Variants in TREML2 observed in about 807,000 individuals in gnomAD.
TREML2 encodes trem-like transcript 2 protein.
Under a neutral mutation model 25.9 loss-of-function variants are expected in TREML2, and 24 were observed. The ratio of observed to expected loss-of-function variants is 0.93; its 90% confidence interval spans 0.67 to 1.30. The LOEUF is 1.30. TREML2 is among the 50% of genes most tolerant of loss of function. The probability of loss-of-function intolerance (pLI) is 0.00; values close to 1 mark genes in which losing one functional copy is unlikely to be tolerated. For missense variants in TREML2, 359 were observed against 395.6 expected (o/e 0.91, Z 0.78); for synonymous variants, 139 against 155.2 (o/e 0.90, Z 0.77).
In TREML2 at chr6:41,191,182, T is replaced by TGTGTGC. The variant is rs1766054111; in HGVS notation, c.*1244_*1245insGCACAC. 6.6e-6 allele frequency: 1 copy of TGTGTGC among 150,804 alleles called. No individual in the cohort carries two copies. The highest frequency in any genetic ancestry group is 2.5e-5 in the African/African-American group (1 of 40,378). 9.3% of individuals were successfully genotyped at this position (150,804 alleles called of 1,614,324 possible). ...GTCAGTAGACACCTGTGTGTGTGTG[T>TGTGTGC]GTGTGTGTGTGTGTGTGTGTGTGTG... On this transcript the variant is annotated 3_prime_UTR_variant, in exon 5 of 5. Transcript: ENST00000483722.
At chr6:41,200,562 C>A (rs1766256215) in intron 1 of TREML2, among the ~76,000 whole-genome samples, 2 of 152,190 alleles carry the variant, frequency 1.3e-5, no homozygotes, top group African/African-American at 4.8e-5. Flanking sequence ...GTGGCATCAG[C>A]ATTTCAAGAA....
chr6:41,198,991 T>G (rs565207824), intron 1 of TREML2, among the ~76,000 whole-genome samples: 22 of 152,346 alleles, frequency 1.4e-4, no homozygotes, highest in African/African-American at 5.1e-4. Context: ...GCCTCCTGAG[T>G]AGCTGGGACT....
intron 4 of TREML2, 115 bp from the exon 5 acceptor site, chr6:41,192,621 C>A: frequency 8.1e-7 from 1 of 1,240,090 alleles, no homozygotes; most frequent in Non-Finnish European, 1.2e-6. Context: ...CCAGGTCATC[C>A]CCTTAGGGTT....
intron 1 of TREML2, among the ~76,000 whole-genome samples, chr6:41,198,983 C>T (rs893332240): frequency 4.6e-5 from 7 of 152,246 alleles, no homozygotes; most frequent in Non-Finnish European, 8.8e-5. Context: ...CTGCCTCAGC[C>T]TCCTGAGTAG....
intron 1 of TREML2, among the ~76,000 whole-genome samples, chr6:41,198,679 G>A (rs1355899456): frequency 1.3e-5 from 2 of 152,172 alleles, no homozygotes; most frequent in African/African-American, 4.8e-5. Flanking sequence ...GGAGCTTTCA[G>A]TCTGATGGAG....
At position 41,198,062 on chromosome 6, in the gene TREML2, A is replaced by G. The variant is rs1413548111; in HGVS notation, c.376+47T>C. 4 of 1,478,702 alleles carry G rather than the reference A, an allele frequency of 2.7e-6. No homozygotes were observed. The South Asian group carries it at 5.1e-5, about 19-fold the overall frequency. The allele number at this position is 1,478,702 out of a possible 1,614,324, so 91.6% of individuals were successfully genotyped here. On this transcript the variant is annotated intron_variant, in intron 2 of 4. Transcript: ENST00000483722. Reference sequence around the variant, plus strand: ...CTCTGATGTTAGTGGAGTGTGGGGCAGGAGGGACTCCCTCCACCCGTCCCA... The same window carrying G: ...CTCTGATGTTAGTGGAGTGTGGGGCGGGAGGGACTCCCTCCACCCGTCCCA...
chr6:41,198,885 C>T (rs145075653), intron 1 of TREML2, among the ~76,000 whole-genome samples: 231 of 151,614 alleles, frequency 1.5e-3, no homozygotes, highest in African/African-American at 5.4e-3. Context: ...GTTTTTGAGA[C>T]GGAGTCTCGC....
chr6:41,195,652 C>T (rs1766147204), intron 2 of TREML2, among the ~76,000 whole-genome samples: 1 of 152,180 alleles, frequency 6.6e-6, no homozygotes, highest in Non-Finnish European at 1.5e-5. Flanking sequence ...AAGACGCTCA[C>T]CTGGAGTCAG....
intron 2 of TREML2, among the ~76,000 whole-genome samples, chr6:41,196,727 C>T (rs1766173186): frequency 6.6e-6 from 1 of 152,176 alleles, no homozygotes; most frequent in Non-Finnish European, 1.5e-5. Flanking sequence ...CCCTAAGCAA[C>T]CACTAATCTA....
intron 1 of TREML2, among the ~76,000 whole-genome samples, chr6:41,199,220 G>A (rs993218453): frequency 1.7e-4 from 26 of 152,220 alleles, no homozygotes; most frequent in African/African-American, 5.8e-4. Context: ...CAGATGCAGA[G>A]ACACAAACAC....
intron 2 of TREML2, among the ~76,000 whole-genome samples, chr6:41,196,699 C>A (rs970457369): frequency 5.3e-5 from 8 of 150,674 alleles, no homozygotes; most frequent in Admixed American, 6.6e-5. Context: ...ATTCTGTATC[C>A]CCTTTTCCTT....
chr6:41,200,907 C>T (rs769576652), intron 1 of TREML2, 47 bp downstream of exon 1: 2 of 1,479,978 alleles, frequency 1.4e-6, no homozygotes, highest in Non-Finnish European at 1.8e-6. Context: ...GAGCTCCTGC[C>T]TCTGTACCCA....
intron 2 of TREML2, among the ~76,000 whole-genome samples, chr6:41,195,290 G>A (rs1766142015): frequency 6.6e-6 from 1 of 152,104 alleles, no homozygotes. Context: ...AGTCAGTTGG[G>A]GTCAGACACT....
At chr6:41,199,098 G>A (rs866233287) in intron 1 of TREML2, among the ~76,000 whole-genome samples, 44 of 152,198 alleles carry the variant, frequency 2.9e-4, no homozygotes, top group African/African-American at 1.0e-3. Context: ...TCTTGACTTC[G>A]TGATCCACCT....
chr6:41,190,300 T>C lies in TREML2; in HGVS notation c.*2127A>G, dbSNP rs1376639630. 1 of 151,960 alleles carries C rather than the reference T, an allele frequency of 6.6e-6. No homozygotes were observed. The highest frequency in any genetic ancestry group is 2.4e-5 in the African/African-American group (1 of 41,356). The allele number at this position is 151,960 out of a possible 1,614,324, so 9.4% of individuals were successfully genotyped here. On this transcript the variant is annotated 3_prime_UTR_variant, in exon 5 of 5. Transcript: ENST00000483722. ...ACTGAGATGAGTCCACCCTGTACCC[T>C]CCCCTCCTCAAAAGAGGACCTTACC...
chr6:41,198,782 T>C (rs930458121), intron 1 of TREML2, among the ~76,000 whole-genome samples: 1 of 152,192 alleles, frequency 6.6e-6, no homozygotes, highest in African/African-American at 2.4e-5. Flanking sequence ...CCTTTCCTCA[T>C]GGTATTTTCT....
chr6:41,193,602 T>C (rs75577115), intron 3 of TREML2, among the ~76,000 whole-genome samples: 3,192 of 151,874 alleles, frequency 0.021, 102 homozygotes, highest in African/African-American at 0.073. Context: ...CCAGTGTTCA[T>C]ATAAGACGCA....
chr6:41,195,692 G>C (rs114590078), intron 2 of TREML2, among the ~76,000 whole-genome samples: 168 of 152,286 alleles, frequency 1.1e-3, no homozygotes, highest in African/African-American at 3.9e-3. Context: ...TCAGCAGTGG[G>C]GACACCCCCA....
intron 1 of TREML2, 139 bp from the exon 2 acceptor site, chr6:41,198,568 C>T (rs1198983139): frequency 1.4e-5 from 14 of 970,328 alleles, no homozygotes; most frequent in Non-Finnish European, 1.9e-5. Context: ...GGAAATACAG[C>T]CCCGCCTTCA....
Sources: gnomAD v4.1 joint callset for allele counts (sites outside exome capture counted in the v4.1 genomes callset) on GRCh38, gnomAD v4.1.1 for gene constraint, MANE v1.5 for transcripts, NCBI Gene and HGNC (gene_info 2026-07-23, HGNC 2026-07-21) for gene names.